Variants in CDC14B observed in about 807,000 individuals in gnomAD.
CDC14B encodes the protein cell division cycle 14B.
A neutral mutation model predicts 64.2 loss-of-function variants in CDC14B; 22 were observed. That is an observed-to-expected ratio of 0.34 (90% CI 0.24 to 0.49). The LOEUF (loss-of-function observed/expected upper bound fraction) is 0.49, where lower values mean the gene tolerates loss of function less well. Among genes scored for constraint, CDC14B ranks in the 20% least tolerant of loss-of-function variants. CDC14B has a pLI of 0.99. For synonymous variants in CDC14B, 191 were observed against 215.8 expected, an observed-to-expected ratio of 0.89 and a Z score of 1.01; for missense variants, 498 against 629.9, an observed-to-expected ratio of 0.79 and a Z score of 2.24.
intron 4 of CDC14B, among the ~76,000 whole-genome samples, chr9:96,553,031 T>C (rs12550922): frequency 0.15 from 23,116 of 152,256 alleles, 2,296 homozygotes; most frequent in South Asian, 0.31. Context: ...CATTCTGAAG[T>C]TGGGACCCAT....
chr9:96,500,386 A>C lies in CDC14B; in HGVS notation c.*3367T>G, dbSNP rs1833455130. 6.6e-6 allele frequency: 1 copy of C among 152,640 alleles called. No individual in the cohort carries two copies. Among genetic ancestry groups the C allele is most frequent in the Non-Finnish European group, 1.5e-5 (1 of 68,048 alleles). The allele number at this position is 152,640 out of a possible 1,614,324, so 9.5% of individuals were successfully genotyped here. ...TCAAGACAATGATTGATCAATACTG[A>C]TCAGTTACATTTTAAAACTTTTAAT... On this transcript the variant is annotated 3_prime_UTR_variant, in exon 14 of 14. Transcript: ENST00000375241.
At chr9:96,533,041 A>T (rs1399828288) in intron 9 of CDC14B, among the ~76,000 whole-genome samples, 1 of 151,976 alleles carries the variant, frequency 6.6e-6, no homozygotes, top group African/African-American at 2.4e-5. Flanking sequence ...ATCTCAGCTC[A>T]TTGCAACCTC....
At chr9:96,491,651 T>C (rs10991367) in exon 14 of CDC14B, 42,168 of 152,190 alleles carry the variant, frequency 0.28, 8,319 homozygotes, top group African/African-American at 0.57. Context: ...TTTGCCTAAC[T>C]GCGGCTTTGA....
At chr9:96,553,429 G>A (rs1842094234) in intron 4 of CDC14B, among the ~76,000 whole-genome samples, 1 of 149,958 alleles carries the variant, frequency 6.7e-6, no homozygotes, top group Non-Finnish European at 1.5e-5. Flanking sequence ...TGTGATCTCA[G>A]CTCACTGTAA....
chr9:96,538,966 A>G, intron 7 of CDC14B, 112 bp downstream of exon 7: 1 of 724,482 alleles, frequency 1.4e-6, no homozygotes, highest in Non-Finnish European at 2.4e-6. Flanking sequence ...ACATATATCA[A>G]AACATTACTT....
intron 1 of CDC14B, among the ~76,000 whole-genome samples, chr9:96,616,932 C>T (rs1436590804): frequency 6.6e-6 from 1 of 151,972 alleles, no homozygotes; most frequent in Non-Finnish European, 1.5e-5. Flanking sequence ...CTTTAATTGG[C>T]CTTGTATATC....
downstream of CDC14B, chr9:96,496,065 C>T (rs1833224138): frequency 2.9e-6 from 1 of 344,162 alleles, no homozygotes; most frequent in Non-Finnish European, 5.8e-6. Context: ...CAGCACTGCC[C>T]TGCTGCGCCT....
At chr9:96,494,930 G>A (rs1012300044) in intron 13 of CDC14B, among the ~76,000 whole-genome samples, 1 of 151,366 alleles carries the variant, frequency 6.6e-6, no homozygotes, top group Non-Finnish European at 1.5e-5. Context: ...TGTCTCCCGG[G>A]TTCATGCCAT....
intron 4 of CDC14B, 86 bp from the exon 5 acceptor site, chr9:96,551,958 C>T: frequency 6.7e-7 from 1 of 1,499,752 alleles, no homozygotes; most frequent in Non-Finnish European, 8.9e-7. Context: ...TGTCCAATTT[C>T]CAACCAACTG....
At chr9:96,518,960 C>A (rs1459404248) in intron 12 of CDC14B, among the ~76,000 whole-genome samples, 1 of 151,944 alleles carries the variant, frequency 6.6e-6, no homozygotes, top group African/African-American at 2.4e-5. Flanking sequence ...CACAGTGAAA[C>A]CCTGTCTCTA....
chr9:96,524,138 A>G (rs1036282272), intron 9 of CDC14B, among the ~76,000 whole-genome samples: 3 of 152,188 alleles, frequency 2.0e-5, no homozygotes, highest in Non-Finnish European at 4.4e-5. Context: ...GGGCTTCACC[A>G]TGTTGGCCAA....
intron 7 of CDC14B, among the ~76,000 whole-genome samples, chr9:96,536,640 T>C (rs1839311665): frequency 6.6e-6 from 1 of 152,116 alleles, no homozygotes; most frequent in South Asian, 2.1e-4. Context: ...GAAAAAACAG[T>C]TCAGTTAAAC....
intron 1 of CDC14B, among the ~76,000 whole-genome samples, chr9:96,568,858 A>G (rs530457649): frequency 6.6e-6 from 1 of 152,194 alleles, no homozygotes; most frequent in African/African-American, 2.4e-5. Context: ...TGGAGGTTGC[A>G]GTGAGCCAAG....
At chr9:96,577,455 A>C (rs1203438082) in intron 1 of CDC14B, among the ~76,000 whole-genome samples, 1 of 152,176 alleles carries the variant, frequency 6.6e-6, no homozygotes, top group African/African-American at 2.4e-5. Context: ...GATTTGCCTA[A>C]AAATGTCTCC....
downstream of CDC14B, among the ~76,000 whole-genome samples, chr9:96,499,558 TTTGTG>T (rs771564134): frequency 5.6e-4 from 85 of 152,150 alleles, 1 homozygote; most frequent in Non-Finnish European, 2.4e-4. Flanking sequence ...AAGTCAAAAC[TTTGTG>T]TTGTGTGAGC....
At chr9:96,588,846 T>G (rs955791818) in intron 1 of CDC14B, among the ~76,000 whole-genome samples, 3 of 152,212 alleles carry the variant, frequency 2.0e-5, no homozygotes, top group East Asian at 1.9e-4. Context: ...AGTAAAAATC[T>G]GGGAATTTTA....
At chr9:96,497,277 C>T (rs1350069288), downstream of CDC14B, among the ~76,000 whole-genome samples, 1 of 150,842 alleles carries the variant, frequency 6.6e-6, no homozygotes, top group Non-Finnish European at 1.5e-5. Context: ...AAGAGTCAGG[C>T]GGGGTTAGAG....
Position 96,568,125 on chromosome 9 carries a change from T to C in CDC14B, c.161-2642A>G, listed in dbSNP as rs570147108. ...CTCCTGTATTTTCCCAAGTTTTCTA[T>C]AGAAAAGTGTTACTTTATACATACT... On this transcript the variant is annotated intron_variant, in intron 1 of 13. Transcript: ENST00000375241. Among the ~76,000 whole-genome samples the C allele has an allele frequency of 1.2e-4, 18 of 151,868 alleles. No individual in the cohort carries two copies. The East Asian group carries it at 2.9e-3, about 24-fold the overall frequency.
At chr9:96,575,878 A>G (rs1844771444) in intron 1 of CDC14B, among the ~76,000 whole-genome samples, 1 of 152,238 alleles carries the variant, frequency 6.6e-6, no homozygotes, top group Admixed American at 6.5e-5. Flanking sequence ...AATAAAGACA[A>G]TAAAAACAAA....
Sources: allele counts gnomAD v4.1 joint callset (sites outside exome capture counted in the v4.1 genomes callset), GRCh38; gene constraint gnomAD v4.1.1; transcripts MANE v1.5; gene names NCBI Gene and HGNC (gene_info 2026-07-23, HGNC 2026-07-21).